The following RTN4 variants were observed in gnomAD, a reference collection of about 807,000 sequenced individuals.
RTN4 encodes the protein reticulon 4.
A neutral mutation model predicts 90.4 loss-of-function variants in RTN4; 32 were observed. The observed-to-expected ratio is 0.35, with a 90% CI of 0.27 to 0.48. RTN4 has a LOEUF of 0.48. RTN4 is among the 20% of genes least tolerant of loss of function. The pLI is 0.99. For synonymous variants in RTN4, 629 were observed against 552.5 expected (o/e 1.14, Z -1.94); for missense variants, 1,706 against 1,430.2 (o/e 1.19, Z -3.11).
chr2:55,121,139 C>T, the RTN4 span, among the ~76,000 whole-genome samples: 2 of 152,208 alleles, frequency 1.3e-5, no homozygotes, highest in Non-Finnish European at 2.9e-5. Context: ...CAGTCATTCA[C>T]CAAATACTTA....
At chr2:55,044,130 G>C (rs530856246) in intron 1 of RTN4, among the ~76,000 whole-genome samples, 41 of 152,092 alleles carry the variant, frequency 2.7e-4, no homozygotes, top group Non-Finnish European at 4.4e-4. Context: ...CAGAAGATGA[G>C]GCTGCAGTGA....
intron 5 of RTN4, among the ~76,000 whole-genome samples, chr2:54,980,539 G>C (rs1053819264): frequency 3.9e-5 from 6 of 152,156 alleles, no homozygotes; most frequent in Admixed American, 3.3e-4. Context: ...TTAAATTGTA[G>C]ACATATAGCT....
At chr2:55,024,703 T>C (rs1405930895) in intron 3 of RTN4, among the ~76,000 whole-genome samples, 1 of 152,136 alleles carries the variant, frequency 6.6e-6, no homozygotes, top group Non-Finnish European at 1.5e-5. Context: ...AAAAATTAAA[T>C]ATGGTAATTT....
At chr2:55,032,535 A>G (rs942732434) in intron 1 of RTN4, among the ~76,000 whole-genome samples, 1 of 152,342 alleles carries the variant, frequency 6.6e-6, no homozygotes, top group East Asian at 1.9e-4. Context: ...TTAACTGAAA[A>G]TAATCACTAG....
intron 3 of RTN4, among the ~76,000 whole-genome samples, chr2:54,990,984 G>A (rs1365053431): frequency 2.6e-5 from 4 of 151,828 alleles, no homozygotes; most frequent in South Asian, 2.1e-4. Context: ...GGGTTTCACC[G>A]TGTTAGGAAG....
chr2:54,975,504 G>A (rs562034546), intron 5 of RTN4, among the ~76,000 whole-genome samples: 4 of 152,264 alleles, frequency 2.6e-5, no homozygotes, highest in African/African-American at 9.6e-5. Context: ...AACTTTCTCT[G>A]TGAAGAGCCA....
the RTN4 span, among the ~76,000 whole-genome samples, chr2:55,126,278 A>C: frequency 6.6e-6 from 1 of 152,010 alleles, no homozygotes; most frequent in South Asian, 2.1e-4. Context: ...CTGAGGCATG[A>C]GAATCGCTTG....
the RTN4 span, among the ~76,000 whole-genome samples, chr2:55,121,516 T>A: frequency 2.0e-5 from 3 of 152,244 alleles, no homozygotes; most frequent in South Asian, 6.2e-4. Flanking sequence ...GTTCTGTTTA[T>A]TACCAGTCTG....
intron 1 of RTN4, among the ~76,000 whole-genome samples, chr2:55,087,203 T>C (rs1433391964): frequency 6.6e-6 from 1 of 152,228 alleles, no homozygotes; most frequent in Non-Finnish European, 1.5e-5. Context: ...GTGGACCATC[T>C]ATGTATGTGT....
rs1178498102 is a variant in RTN4, at chr2:54,972,953, T to A, written c.*203A>T. 2.1e-6 allele frequency: 1 copy of A among 472,206 alleles called. No individual in the cohort carries two copies. Among genetic ancestry groups the A allele is most frequent in the Non-Finnish European group, 3.8e-6 (1 of 262,254 alleles). 29.3% of individuals were successfully genotyped at this position (472,206 alleles called of 1,614,324 possible). Reference sequence around the variant, plus strand: ...ACGGTTTAAATCCATACATAGCAGCTTACAATACTTAAGATGATGAACACA... The same window carrying A: ...ACGGTTTAAATCCATACATAGCAGCATACAATACTTAAGATGATGAACACA... On this transcript the variant is annotated 3_prime_UTR_variant, in exon 9 of 9. Coordinates refer to ENST00000337526, the MANE Select transcript of RTN4 (RefSeq NM_020532.5).
intron 1 of RTN4, among the ~76,000 whole-genome samples, chr2:55,042,555 T>C (rs1358446889): frequency 6.6e-6 from 1 of 152,200 alleles, no homozygotes; most frequent in Non-Finnish European, 1.5e-5. Context: ...AGAGGGTGGA[T>C]CTACAGAAGA....
At chr2:55,050,525 G>T (rs1573481448), upstream of RTN4, 2 of 381,332 alleles carry the variant, frequency 5.2e-6, no homozygotes, top group Admixed American at 4.6e-5. This position sits in a 1 kb window ranked among gnomAD's most constrained non-coding sequence, Gnocchi z 4.6. Context: ...CCGCCCAGAT[G>T]AGCTAGGAGT....
At chr2:54,996,184 ACT>A (rs1156797947) in intron 3 of RTN4, among the ~76,000 whole-genome samples, 2 of 152,190 alleles carry the variant, frequency 1.3e-5, no homozygotes, top group East Asian at 3.8e-4. Flanking sequence ...TACATAACAC[ACT>A]GTCGAAAGAA....
At chr2:55,043,001 A>T (rs1683176025) in intron 1 of RTN4, among the ~76,000 whole-genome samples, 1 of 152,216 alleles carries the variant, frequency 6.6e-6, no homozygotes, top group Admixed American at 6.5e-5. Flanking sequence ...TCATTCCAAG[A>T]AACATAAATA....
rs1677228915 is a variant in RTN4 at position 54,972,981 on chromosome 2, G to GCAGT, written c.*171_*174dup. The GCAGT allele has an allele frequency of 5.8e-6, 3 of 519,948 alleles. No homozygotes were observed. The highest frequency in any genetic ancestry group is 1.0e-5 in the Non-Finnish European group (3 of 287,242). The allele number at this position is 519,948 out of a possible 1,614,324, so 32.2% of individuals were successfully genotyped here. A position where few individuals can be genotyped will look rare whatever the true frequency, so the allele number is the denominator to read the frequency against. ...CAATACTTAAGATGATGAACACATG[G>GCAGT]CAGTCAAGACAGGTAATTTTTCCTC... On this transcript the variant is annotated 3_prime_UTR_variant, in exon 9 of 9. Transcript: ENST00000337526.
chr2:54,975,906 GA>G (rs1480024317), intron 5 of RTN4, among the ~76,000 whole-genome samples: 1 of 151,940 alleles, frequency 6.6e-6, no homozygotes, highest in Non-Finnish European at 1.5e-5. Flanking sequence ...TCTGTCAATT[GA>G]AAAAAAATTT....
At chr2:55,100,505 C>T (rs1667833643) in intron 1 of RTN4, among the ~76,000 whole-genome samples, 1 of 152,142 alleles carries the variant, frequency 6.6e-6, no homozygotes, top group Non-Finnish European at 1.5e-5. Flanking sequence ...GATCTCAGCA[C>T]TGCTGCAACT....
At chr2:55,051,724 G>C (rs1195313682), upstream of RTN4, among the ~76,000 whole-genome samples, 1 of 152,200 alleles carries the variant, frequency 6.6e-6, no homozygotes, top group Admixed American at 6.5e-5. Context: ...TAGATGTGCT[G>C]TAAGTGTAAA....
At chr2:55,135,002 C>T in the RTN4 span, among the ~76,000 whole-genome samples, 1 of 152,162 alleles carries the variant, frequency 6.6e-6, no homozygotes, top group Non-Finnish European at 1.5e-5. Flanking sequence ...GGCATGGTGG[C>T]TCACACCTAC....
Sources: gnomAD v4.1 joint callset for allele counts (sites outside exome capture counted in the v4.1 genomes callset) on GRCh38, gnomAD v4.1.1 for gene constraint, Gnocchi (gnomAD v3.1) non-coding constraint, MANE v1.5 for transcripts, NCBI Gene and HGNC (gene_info 2026-07-23, HGNC 2026-07-21) for gene names.